Variants in CTNNA3 observed in about 807,000 individuals in gnomAD.
The protein encoded by CTNNA3 is catenin alpha 3.
In CTNNA3, 76 loss-of-function variants were observed where a neutral mutation model predicts 95.7. The ratio of observed to expected loss-of-function variants is 0.79; its 90% CI spans 0.66 to 0.96. The LOEUF (loss-of-function observed/expected upper bound fraction) is 0.96. CTNNA3 is among the 40% of genes least tolerant of loss of function. The probability of loss-of-function intolerance (pLI) is 0.00; values close to 1 mark genes in which losing one functional copy is unlikely to be tolerated. For missense variants in CTNNA3, 1,191 were observed against 1,089.8 expected (o/e 1.09, Z -1.31); for synonymous variants, 431 against 374.4 (o/e 1.15, Z -1.74).
At chr10:66,764,443 T>C (rs67325977) in intron 9 of CTNNA3, among the ~76,000 whole-genome samples, 6,854 of 152,252 alleles carry the variant, frequency 0.045, 258 homozygotes, top group East Asian at 0.23. Context: ...GTCTCTTTGC[T>C]TCAGGATTTT....
chr10:67,314,289 G>A (rs560249540), intron 5 of CTNNA3, among the ~76,000 whole-genome samples: 27 of 152,182 alleles, frequency 1.8e-4, no homozygotes, highest in Admixed American at 7.9e-4. Flanking sequence ...AGTCATTTTC[G>A]CATGACTATC....
intron 12 of CTNNA3, among the ~76,000 whole-genome samples, chr10:66,336,503 C>G (rs2092398218): frequency 6.6e-6 from 1 of 152,248 alleles, no homozygotes; most frequent in Middle Eastern, 3.4e-3. Context: ...AATAACCTCT[C>G]TATCCTCCAG....
At chr10:67,175,820 C>T (rs1862214673) in intron 7 of CTNNA3, among the ~76,000 whole-genome samples, 1 of 152,188 alleles carries the variant, frequency 6.6e-6, no homozygotes, top group Non-Finnish European at 1.5e-5. Context: ...AGAACTCAAA[C>T]ATGATGGCTG....
At chr10:66,020,149 A>C (rs2079174045) in intron 15 of CTNNA3, among the ~76,000 whole-genome samples, 1 of 152,250 alleles carries the variant, frequency 6.6e-6, no homozygotes, top group Non-Finnish European at 1.5e-5. Flanking sequence ...AAATAACAGC[A>C]AAACAAATTC....
At chr10:67,350,452 A>G (rs1842587509) in intron 5 of CTNNA3, among the ~76,000 whole-genome samples, 1 of 151,992 alleles carries the variant, frequency 6.6e-6, no homozygotes, top group Non-Finnish European at 1.5e-5. Flanking sequence ...TCATAGCACT[A>G]GTGTGTTTCC....
chr10:66,213,011 T>C (rs1753750783), intron 13 of CTNNA3, among the ~76,000 whole-genome samples: 1 of 152,068 alleles, frequency 6.6e-6, no homozygotes, highest in Non-Finnish European at 1.5e-5. Context: ...GAGACTCTTG[T>C]CTCCAAAAAG....
At chr10:67,075,162 G>C (rs1341632519) in intron 7 of CTNNA3, among the ~76,000 whole-genome samples, 1 of 88,932 alleles carries the variant, frequency 1.1e-5, no homozygotes, top group Non-Finnish European at 2.3e-5. Context: ...TTGCTTCTAA[G>C]GATTTCTGCA....
chr10:67,233,815 A>C (rs534646110), intron 5 of CTNNA3, among the ~76,000 whole-genome samples: 4 of 152,182 alleles, frequency 2.6e-5, no homozygotes, highest in Admixed American at 1.3e-4. Context: ...TGCAATAAAA[A>C]ATGATAAAGG....
intron 7 of CTNNA3, among the ~76,000 whole-genome samples, chr10:66,987,393 T>C (rs1368670579): frequency 3.3e-5 from 5 of 152,098 alleles, no homozygotes; most frequent in Non-Finnish European, 7.4e-5. Flanking sequence ...AGAGGTGAAA[T>C]GATTTCTTGA....
chr10:65,914,240 C>T lies in CTNNA3; in HGVS notation c.*6090G>A, dbSNP rs1202463242. 1.3e-5 allele frequency: 2 copies of T among 152,092 alleles called. No individual in the cohort carries two copies. Among genetic ancestry groups the T allele is most frequent in the African/African-American group, 2.4e-5 (1 of 41,408 alleles). 9.4% of individuals were successfully genotyped at this position (152,092 alleles called of 1,614,324 possible). ...TCTCCTTGAGGGCTTTCCTTTCCTA[C>T]AGTTGGGAATAGGCACCATCATGAC... On this transcript the variant is annotated 3_prime_UTR_variant, in exon 18 of 18. Transcript: ENST00000433211.
chr10:66,384,350 A>C (rs931869638), intron 11 of CTNNA3, among the ~76,000 whole-genome samples: 2 of 152,208 alleles, frequency 1.3e-5, no homozygotes, highest in Non-Finnish European at 2.9e-5. Flanking sequence ...GAGATAAAGA[A>C]GGCCATTACA....
rs182301697 is a variant in CTNNA3 at position 67,125,904 on chromosome 10, A to G, written c.1047+54413T>C. 2.0e-5 allele frequency among the ~76,000 whole-genome samples: 3 copies of G among 152,322 alleles called. No individual in the cohort carries two copies. The East Asian group carries it at 5.8e-4, about 29-fold the overall frequency. ...GATGCTCAACTAGAAAAAACTGGCT[A>G]TTGAACTTACTGAGACATAGTATAT... On this transcript the variant is annotated intron_variant, in intron 7 of 17. Transcript: ENST00000433211.
chr10:67,039,443 C>A (rs956118902), intron 7 of CTNNA3, among the ~76,000 whole-genome samples: 3 of 152,042 alleles, frequency 2.0e-5, no homozygotes, highest in Non-Finnish European at 2.9e-5. Flanking sequence ...TTCAGAAATT[C>A]AAATGAAGCA....
chr10:66,220,277 T>C (rs16922628), intron 13 of CTNNA3, among the ~76,000 whole-genome samples: 2 of 152,260 alleles, frequency 1.3e-5, no homozygotes, highest in South Asian at 4.1e-4. Context: ...AAGGCATAAG[T>C]GAACTGTGAT....
At chr10:67,000,785 C>T (rs1322156400) in intron 7 of CTNNA3, among the ~76,000 whole-genome samples, 1 of 152,064 alleles carries the variant, frequency 6.6e-6, no homozygotes, top group East Asian at 1.9e-4. Flanking sequence ...ATGGGGAGCG[C>T]ATTATGAAGA....
intron 7 of CTNNA3, among the ~76,000 whole-genome samples, chr10:67,037,336 T>C (rs577909059): frequency 6.6e-6 from 1 of 151,064 alleles, no homozygotes; most frequent in Non-Finnish European, 1.5e-5. Context: ...GCAGTTACTA[T>C]GTGGCAACAC....
chr10:66,780,188 A>T (rs1840472120), intron 7 of CTNNA3, among the ~76,000 whole-genome samples: 1 of 152,136 alleles, frequency 6.6e-6, no homozygotes, highest in Non-Finnish European at 1.5e-5. Flanking sequence ...TTAACCCTAT[A>T]GACAACTGGG....
At chr10:66,151,007 C>A (rs562234049) in intron 13 of CTNNA3, among the ~76,000 whole-genome samples, 1 of 151,922 alleles carries the variant, frequency 6.6e-6, no homozygotes, top group Non-Finnish European at 1.5e-5. Flanking sequence ...TTGCATTTCT[C>A]TTACGAAGTA....
chr10:67,342,025 GC>G (rs1158751538), intron 5 of CTNNA3, among the ~76,000 whole-genome samples: 1 of 141,484 alleles, frequency 7.1e-6, no homozygotes, highest in African/African-American at 2.7e-5. Context: ...ATTCTACATA[GC>G]TATTCCAGTT....
Sources: allele counts gnomAD v4.1 joint callset (sites outside exome capture counted in the v4.1 genomes callset), GRCh38; gene constraint gnomAD v4.1.1; transcripts MANE v1.5; gene names NCBI Gene and HGNC (gene_info 2026-07-23, HGNC 2026-07-21).